Variants in FAM169A observed in about 807,000 individuals in gnomAD.
FAM169A encodes the protein family with sequence similarity 169 member A.
In FAM169A, 24 loss-of-function variants were observed where a neutral mutation model predicts 75.7. The observed-to-expected ratio is 0.32, with a 90% CI of 0.23 to 0.45. The LOEUF is 0.45. FAM169A is among the 20% of genes least tolerant of loss of function. The pLI is 1.00. For missense variants in FAM169A, 673 were observed against 784.0 expected (o/e 0.86, Z 1.69); for synonymous variants, 271 against 271.0 (o/e 1.00, Z 0.00).
chr5:74,783,090 A>C lies in FAM169A; in HGVS notation c.1305T>G (p.Ser435=). The part of the protein sequence containing the change: ...EPMNGEIMDD[S]LKTSLITEEE... ...CTTCTGTTATAAGTGAGGTCTTAAG[A>C]GAATCGTCCATTATCTCACCATTCA... The change falls in exon 12 of 13, where the codon TCT becomes TCG. Residue 435 remains serine, a synonymous_variant. Coordinates refer to ENST00000687041, the MANE Select transcript of FAM169A (RefSeq NM_001376049.1). 1.2e-6 allele frequency: 2 copies of C among 1,613,846 alleles called. No homozygotes were observed. The highest frequency in any genetic ancestry group is 1.7e-6 in the Non-Finnish European group (2 of 1,179,766).
Position 74,777,932 on chromosome 5 carries a change from G to A in FAM169A, c.*3528C>T, listed in dbSNP as rs1745203403. 6.6e-6 allele frequency: 1 copy of A among 151,940 alleles called. No individual in the cohort carries two copies. Among genetic ancestry groups the A allele is most frequent in the Admixed American group, 6.6e-5 (1 of 15,262 alleles). 9.4% of individuals were successfully genotyped at this position (151,940 alleles called of 1,614,324 possible). The stretch of plus-strand genomic sequence containing the variant: ...TTAGGAAAAGAAAGGCTAGTTCCTT[G>A]GAAATGACGATCCAGGATGATACAA... On this transcript the variant is annotated 3_prime_UTR_variant, in exon 13 of 13. Coordinates refer to ENST00000687041, the MANE Select transcript of FAM169A (RefSeq NM_001376049.1).
intron 11 of FAM169A, among the ~76,000 whole-genome samples, chr5:74,792,630 T>C (rs1746039097): frequency 6.6e-6 from 1 of 152,178 alleles, no homozygotes; most frequent in African/African-American, 2.4e-5. Flanking sequence ...TATATACATC[T>C]ATCCTATTAG....
intron 6 of FAM169A, among the ~76,000 whole-genome samples, chr5:74,808,901 A>G (rs1192192307): frequency 6.6e-6 from 1 of 152,246 alleles, no homozygotes; most frequent in Non-Finnish European, 1.5e-5. Context: ...CATTTGTTCA[A>G]TCTAGACTTG....
intron 11 of FAM169A, among the ~76,000 whole-genome samples, chr5:74,787,707 C>A (rs1251176219): frequency 6.6e-6 from 1 of 152,074 alleles, no homozygotes; most frequent in Admixed American, 6.5e-5. Flanking sequence ...CATAATGGAC[C>A]GCAGCAGAGG....
At chr5:74,843,481 T>G (rs1401613616) in intron 1 of FAM169A, among the ~76,000 whole-genome samples, 1 of 152,174 alleles carries the variant, frequency 6.6e-6, no homozygotes, top group Non-Finnish European at 1.5e-5. Context: ...TACAGGCATG[T>G]GAATCAACAA....
chr5:74,846,418 C>T (rs1197140210), intron 1 of FAM169A, among the ~76,000 whole-genome samples: 1 of 152,110 alleles, frequency 6.6e-6, no homozygotes, highest in African/African-American at 2.4e-5. Context: ...ACAAAATGGA[C>T]ATAAGAGTTT....
Position 74,797,617 on chromosome 5 carries a change from T to C in FAM169A, c.1104-1431A>G, listed in dbSNP as rs567082750. 2.6e-4 allele frequency among the ~76,000 whole-genome samples: 39 copies of C among 152,348 alleles called. No individual in the cohort carries two copies. In the South Asian group the frequency reaches 7.9e-3, roughly 31 times the overall value. ...ACGAGACACACTTGACTATTTTACATTTAAATTAAAATTAAATGAAACAAT... is the reference window on the plus strand; with the variant it reads ...ACGAGACACACTTGACTATTTTACACTTAAATTAAAATTAAATGAAACAAT... On this transcript the variant is annotated intron_variant, in intron 10 of 12. Transcript: ENST00000687041.
intron 6 of FAM169A, among the ~76,000 whole-genome samples, chr5:74,809,377 G>A (rs550349608): frequency 9.9e-5 from 15 of 152,166 alleles, no homozygotes; most frequent in African/African-American, 2.4e-4. Flanking sequence ...GGCGGATCAC[G>A]AGGTCAGGAG....
At chr5:74,809,485 G>T (rs1038057125) in intron 6 of FAM169A, among the ~76,000 whole-genome samples, 4 of 151,776 alleles carry the variant, frequency 2.6e-5, no homozygotes, top group Admixed American at 2.0e-4. Context: ...AGTCCAAACA[G>T]CTTGGGAGGC....
At chr5:74,808,912 G>T (rs1466297752) in intron 6 of FAM169A, among the ~76,000 whole-genome samples, 3 of 152,068 alleles carry the variant, frequency 2.0e-5, no homozygotes, top group Non-Finnish European at 4.4e-5. Flanking sequence ...TCTAGACTTG[G>T]TACAGAAATT....
At position 74,866,313 on chromosome 5, in the gene FAM169A, C is replaced by T; in HGVS notation, c.-152G>A. On this transcript the variant is annotated 5_prime_UTR_variant, in exon 1 of 13. Coordinates refer to ENST00000687041, the MANE Select transcript of FAM169A (RefSeq NM_001376049.1). Reference sequence around the variant, plus strand: ...TGCCAGGGCGAGTGCGGCTGCCTCCCGCTCGCCCCGGACGCCCGGCTCCTC... The same window carrying T: ...TGCCAGGGCGAGTGCGGCTGCCTCCTGCTCGCCCCGGACGCCCGGCTCCTC... 1 of 984,416 alleles carries T rather than the reference C, an allele frequency of 1.0e-6. No homozygotes were observed. The highest frequency in any genetic ancestry group is 1.1e-4 in the East Asian group (1 of 8,810). The allele number at this position is 984,416 out of a possible 1,614,324, so 61.0% of individuals were successfully genotyped here.
chr5:74,799,108 G>A, intron 10 of FAM169A: 1 of 976,520 alleles, frequency 1.0e-6, no homozygotes, highest in Non-Finnish European at 1.7e-6. Flanking sequence ...TAAGAAGAAT[G>A]GGCGCCAGTG....
At chr5:74,782,494 A>T (rs568246456) in intron 12 of FAM169A, among the ~76,000 whole-genome samples, 2 of 152,216 alleles carry the variant, frequency 1.3e-5, no homozygotes, top group African/African-American at 2.4e-5. Context: ...TTTAGCCATA[A>T]GTTGTAATAT....
In FAM169A at chr5:74,805,232, T is replaced by C. The variant is rs374700670; in HGVS notation, c.723A>G (p.Glu241=). The C allele has an allele frequency of 5.0e-6, 8 of 1,613,370 alleles. No homozygotes were observed. The highest frequency in any genetic ancestry group is 6.8e-6 in the Non-Finnish European group (8 of 1,179,454). Residue 241 remains glutamate (E), a synonymous_variant, in exon 7 of 13, where the codon GAA becomes GAG. Coordinates refer to ENST00000687041, the MANE Select transcript of FAM169A (RefSeq NM_001376049.1). ...GGTACCAGTGTCCAACACCTTCAAC[T>C]TCCCAAAGGAGTTCATGGTCTCCTG... ...KYPGDHELLW[E]VEGVGHWYQR... is the part of the protein sequence containing the mutation.
intron 2 of FAM169A, among the ~76,000 whole-genome samples, chr5:74,841,185 TG>T (rs1406759622): frequency 2.0e-5 from 3 of 152,212 alleles, no homozygotes; most frequent in Admixed American, 1.3e-4. Flanking sequence ...AAAAGATTCA[TG>T]GCACAAAAAA....
intron 4 of FAM169A, among the ~76,000 whole-genome samples, chr5:74,838,102 G>A (rs1431709357): frequency 3.8e-5 from 4 of 106,248 alleles, no homozygotes; most frequent in Admixed American, 2.6e-4. Context: ...CGACAAGAGC[G>A]AAACTCCATC....
chr5:74,846,878 G>C (rs1749183696), intron 1 of FAM169A, among the ~76,000 whole-genome samples: 1 of 152,108 alleles, frequency 6.6e-6, no homozygotes, highest in African/African-American at 2.4e-5. Context: ...AGAGGCTTTA[G>C]ATAAGAGTGG....
chr5:74,838,114 CAAAAAAAAAA>C (rs1169194601), intron 4 of FAM169A, among the ~76,000 whole-genome samples: 3 of 65,510 alleles, frequency 4.6e-5, no homozygotes, highest in Non-Finnish European at 6.3e-5. Context: ...AACTCCATCC[CAAAAAAAAAA>C]AAAAAAAAAA....
chr5:74,843,715 G>C (rs746918796), intron 1 of FAM169A, among the ~76,000 whole-genome samples: 1 of 152,180 alleles, frequency 6.6e-6, no homozygotes, highest in Admixed American at 6.5e-5. Flanking sequence ...CACTACTTCT[G>C]TGAGAAACAT....
Sources: gnomAD v4.1 joint callset for allele counts (sites outside exome capture counted in the v4.1 genomes callset) on GRCh38, gnomAD v4.1.1 for gene constraint, MANE v1.5 for transcripts, NCBI Gene and HGNC (gene_info 2026-07-23, HGNC 2026-07-21) for gene names.